Variants in CSMD1 observed in about 807,000 individuals in gnomAD.
CSMD1 encodes the protein CUB and Sushi multiple domains 1.
In CSMD1, 213 loss-of-function variants were observed where a neutral mutation model predicts 417.5. The ratio of observed to expected loss-of-function variants is 0.51; its 90% CI spans 0.46 to 0.57. The LOEUF is 0.57. CSMD1 is among the 20% of genes least tolerant of loss of function. CSMD1 has a pLI of 0.00. For synonymous variants in CSMD1, 2,862 were observed against 1,736.8 expected (o/e 1.65, Z -16.11); for missense variants, 6,923 against 4,529.7 (o/e 1.53, Z -15.17).
chr8:4,074,363 C>A (rs999013757), intron 3 of CSMD1, among the ~76,000 whole-genome samples: 3 of 151,960 alleles, frequency 2.0e-5, no homozygotes, highest in African/African-American at 7.2e-5. Context: ...GTATTTAGTC[C>A]ATAAATGATA....
At chr8:3,489,386 G>C (rs535055324) in intron 11 of CSMD1, among the ~76,000 whole-genome samples, 43 of 152,216 alleles carry the variant, frequency 2.8e-4, no homozygotes, top group Non-Finnish European at 6.0e-4. Flanking sequence ...ACTGTAACCT[G>C]TGCCTGCCAC....
At chr8:3,102,527 A>C (rs1160619605) in intron 46 of CSMD1, among the ~76,000 whole-genome samples, 2 of 152,174 alleles carry the variant, frequency 1.3e-5, no homozygotes, top group African/African-American at 4.8e-5. Context: ...TTAGAGAATA[A>C]CGCTCATGTT....
chr8:3,912,015 T>C (rs1808496086), intron 5 of CSMD1, among the ~76,000 whole-genome samples: 1 of 152,232 alleles, frequency 6.6e-6, no homozygotes, highest in Admixed American at 6.5e-5. Context: ...TCACCAATTG[T>C]CATATAGACA....
intron 1 of CSMD1, among the ~76,000 whole-genome samples, chr8:4,886,193 G>A (rs1803727937): frequency 6.6e-6 from 1 of 151,946 alleles, no homozygotes; most frequent in Non-Finnish European, 1.5e-5. Context: ...GTTTCACCAT[G>A]TTGGCCAGGC....
At chr8:3,199,012 C>T (rs766288792) in intron 33 of CSMD1, among the ~76,000 whole-genome samples, 9 of 152,160 alleles carry the variant, frequency 5.9e-5, no homozygotes, top group South Asian at 2.1e-4. Context: ...ACAAGCTCCA[C>T]GCAAAGACTT....
intron 3 of CSMD1, among the ~76,000 whole-genome samples, chr8:4,417,025 T>C (rs747416429): frequency 6.6e-6 from 1 of 152,102 alleles, no homozygotes. Flanking sequence ...TGTCCAAGTA[T>C]AGAACTAGCA....
rs150989106 is a variant in CSMD1 at position 4,473,745 on chromosome 8, GT to G, written c.303-53681del. 4.3e-3 allele frequency among the ~76,000 whole-genome samples: 653 copies of G among 152,234 alleles called. 6 individuals are homozygous for G. The highest frequency in any genetic ancestry group is 0.015 in the African/African-American group (613 of 41,534). On this transcript the variant is annotated intron_variant, in intron 2 of 69. Transcript: ENST00000635120. ...AGCATGTAGTAACACATAAATGTTA[GT>G]TTCTTTTCAACCAAATGGCTTTGGG... is the stretch of plus-strand genomic sequence containing the variant.
chr8:4,836,946 T>C (rs370498211), intron 1 of CSMD1, among the ~76,000 whole-genome samples: 4 of 152,108 alleles, frequency 2.6e-5, no homozygotes, highest in South Asian at 2.1e-4. Context: ...TCCATGGCTG[T>C]TGAAAGGAAA....
intron 1 of CSMD1, among the ~76,000 whole-genome samples, chr8:4,798,382 G>C (rs533496822): frequency 6.6e-6 from 1 of 152,198 alleles, no homozygotes; most frequent in African/African-American, 2.4e-5. Context: ...TGGTGTATAT[G>C]TGCATTTTTA....
At chr8:3,219,169 C>G in intron 29 of CSMD1, 86 bp downstream of exon 29, 2 of 1,103,042 alleles carry the variant, frequency 1.8e-6, no homozygotes, top group Non-Finnish European at 2.6e-6. Context: ...ATTAAACAGA[C>G]AAGCAAGATG....
intron 1 of CSMD1, among the ~76,000 whole-genome samples, chr8:4,918,834 G>C (rs1177647636): frequency 6.6e-6 from 1 of 152,006 alleles, no homozygotes. Flanking sequence ...CATATATGCA[G>C]ATATATATTG....
intron 1 of CSMD1, among the ~76,000 whole-genome samples, chr8:4,961,167 G>T (rs528394726): frequency 6.6e-6 from 1 of 152,052 alleles, no homozygotes; most frequent in African/African-American, 2.4e-5. Context: ...TTGTTTTCCT[G>T]TAATTGATAC....
At chr8:3,819,544 A>ACG (rs1801598842) in intron 5 of CSMD1, among the ~76,000 whole-genome samples, 2 of 66,790 alleles carry the variant, frequency 3.0e-5, no homozygotes, top group Non-Finnish European at 6.1e-5. Context: ...ACACACACAC[A>ACG]CACACACACA....
At chr8:4,372,687 G>C (rs1802467320) in intron 3 of CSMD1, among the ~76,000 whole-genome samples, 1 of 148,506 alleles carries the variant, frequency 6.7e-6, no homozygotes, top group African/African-American at 2.5e-5. Flanking sequence ...GCCTGTCAAA[G>C]GACTCAATAG....
chr8:3,043,127 G>C (rs1050357848), intron 50 of CSMD1, among the ~76,000 whole-genome samples: 15 of 139,660 alleles, frequency 1.1e-4, no homozygotes, highest in African/African-American at 3.8e-4. Flanking sequence ...TATATATATA[G>C]TACATATATA....
intron 7 of CSMD1, among the ~76,000 whole-genome samples, chr8:3,682,212 G>T (rs1164620526): frequency 6.6e-6 from 1 of 152,124 alleles, no homozygotes; most frequent in Non-Finnish European, 1.5e-5. Flanking sequence ...AAACTAAAGA[G>T]CTTCTGCACA....
intron 5 of CSMD1, among the ~76,000 whole-genome samples, chr8:3,966,475 C>T (rs1195553263): frequency 6.6e-6 from 1 of 151,896 alleles, no homozygotes; most frequent in African/African-American, 2.4e-5. Context: ...GTTTCCATTT[C>T]TGTTATTTAT....
At chr8:4,928,342 T>A (rs1807015247) in intron 1 of CSMD1, among the ~76,000 whole-genome samples, 1 of 152,226 alleles carries the variant, frequency 6.6e-6, no homozygotes, top group Non-Finnish European at 1.5e-5. Context: ...CCATCCGGTA[T>A]CACTGTCTGT....
intron 6 of CSMD1, among the ~76,000 whole-genome samples, chr8:3,723,376 T>G (rs1335350955): frequency 6.6e-6 from 1 of 152,180 alleles, no homozygotes; most frequent in Non-Finnish European, 1.5e-5. Context: ...TAAAGTCAAT[T>G]GAGCCATAAG....
Sources: gnomAD v4.1 joint callset for allele counts (sites outside exome capture counted in the v4.1 genomes callset) on GRCh38, gnomAD v4.1.1 for gene constraint, MANE v1.5 for transcripts, NCBI Gene and HGNC (gene_info 2026-07-23, HGNC 2026-07-21) for gene names.